MAEA: variants seen among roughly 807,000 people sequenced by gnomAD.
The protein encoded by MAEA is E3 ubiquitin-protein transferase MAEA.
MAEA carries 22 observed loss-of-function variants against 46.2 expected under a neutral mutation model. That is an observed-to-expected ratio of 0.48 (90% CI 0.34 to 0.68). The LOEUF is 0.68. MAEA is among the 30% of genes least tolerant of loss of function. The probability of loss-of-function intolerance (pLI) is 0.01; values close to 1 mark genes in which losing one functional copy is unlikely to be tolerated. For missense variants in MAEA, 393 were observed against 558.1 expected (o/e 0.70, Z 2.98); for synonymous variants, 246 against 222.6 (o/e 1.11, Z -0.94).
At chr4:1,292,876 A>G (rs1332376918) in intron 1 of MAEA, among the ~76,000 whole-genome samples, 1 of 146,400 alleles carries the variant, frequency 6.8e-6, no homozygotes, top group Non-Finnish European at 1.5e-5. Context: ...AAAGATGAAT[A>G]ACTCACCATC....
In MAEA at chr4:1,334,802, C is replaced by T. The variant is rs891446280; in HGVS notation, c.765+1937C>T. On this transcript the variant is annotated intron_variant, in intron 6 of 8. Coordinates refer to ENST00000303400, the MANE Select transcript of MAEA (RefSeq NM_001017405.3). Reference sequence around the variant, plus strand: ...GAAGCCACCAGAAGCCCAGAGGCAACCAGTCCTGGGGAGTGAGGATGCCAG... The same window carrying T: ...GAAGCCACCAGAAGCCCAGAGGCAATCAGTCCTGGGGAGTGAGGATGCCAG... 8.0e-5 allele frequency: 73 copies of T among 908,926 alleles called. 1 individual carries two copies. In the African/African-American group the frequency reaches 1.1e-3, roughly 13 times the overall value. The allele number at this position is 908,926 out of a possible 1,614,324, so 56.3% of individuals were successfully genotyped here.
At chr4:1,298,331 C>T (rs566291603) in intron 1 of MAEA, among the ~76,000 whole-genome samples, 1 of 152,084 alleles carries the variant, frequency 6.6e-6, no homozygotes, top group Non-Finnish European at 1.5e-5. Flanking sequence ...GAGGCATGTG[C>T]CGTCTTCTGG....
chr4:1,336,424 A>G (rs1378330142), intron 6 of MAEA, among the ~76,000 whole-genome samples: 1 of 151,642 alleles, frequency 6.6e-6, no homozygotes. Context: ...AATCGGAGTT[A>G]AGTCAGCACT....
intron 4 of MAEA, among the ~76,000 whole-genome samples, chr4:1,325,894 C>A (rs1171987077): frequency 6.6e-6 from 1 of 152,202 alleles, no homozygotes; most frequent in East Asian, 1.9e-4. Context: ...CAGAGACAGT[C>A]CTCCTGCCCC....
At chr4:1,318,083 C>T (rs892948500) in intron 3 of MAEA, among the ~76,000 whole-genome samples, 1 of 152,220 alleles carries the variant, frequency 6.6e-6, no homozygotes. Context: ...CTTTCCCACC[C>T]ACCCGCCTCC....
At chr4:1,336,470 C>T (rs1712778625) in intron 6 of MAEA, among the ~76,000 whole-genome samples, 1 of 152,054 alleles carries the variant, frequency 6.6e-6, no homozygotes, top group South Asian at 2.1e-4. Flanking sequence ...GTTAAGTCAG[C>T]ACTCATCCCA....
Position 1,314,220 on chromosome 4 carries a change from G to A in MAEA, c.253-1177G>A, listed in dbSNP as rs982370914. On this transcript the variant is annotated intron_variant, in intron 2 of 8. Transcript: ENST00000303400. ...TGTACGCCTGTGGTCCCAGCTACTC[G>A]GGAGGCTGAGGCAGGAGAATCACTT... 5.3e-5 allele frequency among the ~76,000 whole-genome samples: 8 copies of A among 151,944 alleles called. No individual in the cohort carries two copies. The South Asian group carries it at 6.2e-4, about 12-fold the overall frequency.
At chr4:1,323,065 G>A (rs1351168627) in intron 4 of MAEA, among the ~76,000 whole-genome samples, 2 of 144,742 alleles carry the variant, frequency 1.4e-5, no homozygotes, top group Non-Finnish European at 3.0e-5. Context: ...TCTTGCCTTG[G>A]CCTCCTGAGT....
chr4:1,326,846 A>G (rs1738900493), intron 4 of MAEA, among the ~76,000 whole-genome samples: 1 of 152,170 alleles, frequency 6.6e-6, no homozygotes, highest in Admixed American at 6.5e-5. Flanking sequence ...TGTTCTCGCC[A>G]GGTGTCTGTG....
chr4:1,304,277 T>A (rs959392192), intron 1 of MAEA, among the ~76,000 whole-genome samples: 1 of 152,146 alleles, frequency 6.6e-6, no homozygotes, highest in Non-Finnish European at 1.5e-5. Flanking sequence ...AAATATCTAA[T>A]GATTATTTAT....
chr4:1,309,216 G>A (rs1045439289), intron 1 of MAEA, among the ~76,000 whole-genome samples: 1 of 152,198 alleles, frequency 6.6e-6, no homozygotes, highest in Admixed American at 6.5e-5. Flanking sequence ...CAGCCCTTGC[G>A]TATCTGAAAG....
chr4:1,328,131 C>T (rs140873840), intron 5 of MAEA, among the ~76,000 whole-genome samples: 1 of 152,370 alleles, frequency 6.6e-6, no homozygotes, highest in Non-Finnish European at 1.5e-5. Flanking sequence ...CCCTCACAGT[C>T]ATCGGGGAAT....
At position 1,336,887 on chromosome 4, in the gene MAEA, G is replaced by A. The variant is rs572743903; in HGVS notation, c.792G>A (p.Arg264=). Residue 264 remains arginine (R), a synonymous_variant, in exon 7 of 9, where the codon CGG becomes CGA. Transcript: ENST00000303400. ...YKDLLDPARW[R]MLIQQFRYDN... ...ACCTTCTGGACCCTGCACGGTGGCG[G>A]ATGCTGATCCAGCAGTTCCGGTACG... is the stretch of plus-strand genomic sequence containing the variant. 9 of 1,614,004 alleles carry A rather than the reference G, an allele frequency of 5.6e-6. No individual in the cohort carries two copies. In the Admixed American group the frequency reaches 1.2e-4, roughly 21 times the overall value.
At chr4:1,313,484 G>A (rs1276556147) in intron 2 of MAEA, among the ~76,000 whole-genome samples, 2 of 152,156 alleles carry the variant, frequency 1.3e-5, no homozygotes, top group Non-Finnish European at 1.5e-5. Context: ...AAAGCACTGT[G>A]GAAAGCTGAG....
chr4:1,315,602 T>C lies in MAEA; in HGVS notation c.456+2T>C, dbSNP rs1315966343. ...CTGGCGCGCCAGAGCGGCATCGAGG[T>C]GGGTGCCCGCCAGACGCAGGCACAG... On this transcript the variant is annotated splice_donor_variant, in intron 3 of 8. Transcript: ENST00000303400. LOFTEE classifies it high-confidence loss of function. 6.2e-7 allele frequency: 1 copy of C among 1,612,292 alleles called. No homozygotes were observed. Among genetic ancestry groups the C allele is most frequent in the African/African-American group, 1.3e-5 (1 of 74,862 alleles).
chr4:1,289,977 C>T lies in MAEA; in HGVS notation c.64C>T (p.Leu22Phe). 6.3e-7 allele frequency: 1 copy of T among 1,591,258 alleles called. No individual in the cohort carries two copies. Among genetic ancestry groups the T allele is most frequent in the Non-Finnish European group, 8.6e-7 (1 of 1,169,094 alleles). Residue 22 changes from leucine to phenylalanine, a missense_variant, in exon 1 of 9, where the codon CTC becomes TTC. Coordinates refer to ENST00000303400, the MANE Select transcript of MAEA (RefSeq NM_001017405.3). The stretch of plus-strand genomic sequence containing the variant: ...CCTGAAGGTCCAGGAGTACCCGACC[C>T]TCAAGGTGGGCGCCTGCGCCGCGCA... ...MTLKVQEYPT[L>F]KVPYETLNKR...
At chr4:1,309,739 G>A in intron 1 of MAEA, 1 of 1,507,832 alleles carries the variant, frequency 6.6e-7, no homozygotes. Context: ...CCTCCTTCAT[G>A]CCTGCGTTCT....
chr4:1,303,343 A>C (rs1051103223), intron 1 of MAEA, among the ~76,000 whole-genome samples: 13 of 147,356 alleles, frequency 8.8e-5, no homozygotes, highest in Non-Finnish European at 1.6e-4. Flanking sequence ...CAGAGGTTAC[A>C]GTGAGCTGAG....
rs1443468918 is a variant in MAEA, at chr4:1,311,074, G to T, written c.70-905G>T. On this transcript the variant is annotated intron_variant, in intron 1 of 8. Transcript: ENST00000303400. The surrounding 1 kb of genome is among the most constrained non-coding windows in gnomAD (Gnocchi z 4.4). ...GGTACCCGAGAGTCTGTCCTCCCAT[G>T]GTTGGGCACGGCTGGAGAGGAGGCG... 1.3e-5 allele frequency among the ~76,000 whole-genome samples: 2 copies of T among 152,236 alleles called. No homozygotes were observed. The highest frequency in any genetic ancestry group is 2.9e-5 in the Non-Finnish European group (2 of 68,028).
Sources: allele counts gnomAD v4.1 joint callset (sites outside exome capture counted in the v4.1 genomes callset), GRCh38; gene constraint gnomAD v4.1.1; non-coding constraint Gnocchi (gnomAD v3.1); transcripts MANE v1.5; gene names NCBI Gene and HGNC (gene_info 2026-07-23, HGNC 2026-07-21).